The following NCKAP5L variants were observed in gnomAD, a reference collection of about 807,000 sequenced individuals.
NCKAP5L encodes nck-associated protein 5-like.
Under a neutral mutation model 103.2 loss-of-function variants are expected in NCKAP5L, and 54 were observed. The observed-to-expected ratio is 0.52, with a 90% CI of 0.42 to 0.66. The LOEUF is 0.66. Ranked by LOEUF, NCKAP5L falls within the 30% of genes least tolerant of loss-of-function variation. The probability of loss-of-function intolerance (pLI) is 0.00; values close to 1 mark genes in which losing one functional copy is unlikely to be tolerated. For missense variants in NCKAP5L, 1,733 were observed against 1,750.6 expected (o/e 0.99, Z 0.18); for synonymous variants, 762 against 748.6 (o/e 1.02, Z -0.29).
intron 5 of NCKAP5L, 51 bp downstream of exon 5, chr12:49,802,907 G>A (rs1443709991): frequency 6.4e-7 from 1 of 1,573,144 alleles, no homozygotes. Context: ...TCCAGGAAGG[G>A]TCTCATCTGC....
chr12:49,821,043 G>A (rs1203896559), intron 1 of NCKAP5L, among the ~76,000 whole-genome samples: 1 of 152,210 alleles, frequency 6.6e-6, no homozygotes, highest in Non-Finnish European at 1.5e-5. Flanking sequence ...CTTGTGCGGG[G>A]TAAGGGTGGG....
intron 8 of NCKAP5L, among the ~76,000 whole-genome samples, chr12:49,794,219 A>G (rs552438384): frequency 4.6e-5 from 7 of 152,272 alleles, no homozygotes; most frequent in South Asian, 4.1e-4. Flanking sequence ...CATGAACGAC[A>G]CACTCCACCT....
chr12:49,809,848 G>T (rs536539502), intron 1 of NCKAP5L, among the ~76,000 whole-genome samples: 16 of 152,248 alleles, frequency 1.1e-4, no homozygotes, highest in Admixed American at 2.0e-4. Flanking sequence ...GGGTAAGAGG[G>T]CAGACAAGAA....
In NCKAP5L at chr12:49,793,869, C is replaced by A; in HGVS notation, c.3123G>T (p.Lys1041Asn). ...ACTCAGGCTTGGGCTCCCGCCAGCT[C>A]TTGGATGGCAGCTCCTTGCCATCCA... Reference protein sequence around the residue: ...NRVDGKELPSKSWREPKPEYG... With the variant: ...NRVDGKELPSNSWREPKPEYG... Residue 1041 changes from lysine (K) to asparagine (N), a missense_variant, in exon 9 of 13, where the codon AAG becomes AAT. Physicochemically the swap from Lys to Asn is moderately conservative, Grantham distance 94. Transcript: ENST00000335999. 6.4e-7 allele frequency: 1 copy of A among 1,566,244 alleles called. No homozygotes were observed. The highest frequency in any genetic ancestry group is 1.9e-5 in the Admixed American group (1 of 52,210).
chr12:49,801,725 A>G (rs1054416165), intron 6 of NCKAP5L, 123 bp downstream of exon 6: 2 of 1,232,272 alleles, frequency 1.6e-6, no homozygotes, highest in African/African-American at 3.0e-5. Context: ...ATACCCCCAG[A>G]ATGGAAGGTG....
Position 49,795,424 on chromosome 12 carries a change from G to A in NCKAP5L, c.2436C>T (p.His812=). ...TGGAAGGGAGCTTGGTGGGGCTGCT[G>A]TGAGGGCTCTTATTGGGCTTGCCCA... ...PSLGKPNKSP[H]SSPTKLPSKS... The change falls in exon 8 of 13, where the codon CAC becomes CAT. Residue 812 remains histidine, a synonymous_variant. Coordinates refer to ENST00000335999, the MANE Select transcript of NCKAP5L (RefSeq NM_001037806.4). 1 of 1,585,358 alleles carries A rather than the reference G, an allele frequency of 6.3e-7. No individual in the cohort carries two copies. Among genetic ancestry groups the A allele is most frequent in the Non-Finnish European group, 8.6e-7 (1 of 1,168,790 alleles).
rs1297514893 is a variant in NCKAP5L, at chr12:49,804,015, C to G, written c.30G>C (p.Gly10=). MSEAMDQPA[G]GPGNPRPGEG... is the part of the protein sequence containing the mutation. ...CTCCTGGCCTTGGGTTTCCAGGACC[C>G]CCAGCTGGCTGGTCCATGGCCTCTG... Residue 10 remains glycine (G), a synonymous_variant, in exon 3 of 13, where the codon GGG becomes GGC. Transcript: ENST00000335999. The G allele has an allele frequency of 6.2e-7, 1 of 1,612,006 alleles. No individual in the cohort carries two copies. The highest frequency in any genetic ancestry group is 1.1e-5 in the South Asian group (1 of 91,076).
chr12:49,806,230 A>G (rs937032959), intron 1 of NCKAP5L, among the ~76,000 whole-genome samples, 189 bp from the exon 2 acceptor site: 5 of 152,228 alleles, frequency 3.3e-5, no homozygotes, highest in Admixed American at 3.3e-4. Context: ...TTAAGCAGAG[A>G]CCTGAATGAA....
rs1260439633 is a variant in NCKAP5L at position 49,795,124 on chromosome 12, G to T, written c.2736C>A (p.Arg912=). ...ACCAGCTGGCGATGCTGCTGGTGTT[G>T]CGGTGCTTGACCTCGGCGCCAGGGG... ...ERAPGAEVKH[R]NTSSIASWFG... Residue 912 remains arginine (R), a synonymous_variant, in exon 8 of 13, where the codon CGC becomes CGA. Transcript: ENST00000335999. 1 of 1,613,028 alleles carries T rather than the reference G, an allele frequency of 6.2e-7. No individual in the cohort carries two copies. Among genetic ancestry groups the T allele is most frequent in the Non-Finnish European group, 8.5e-7 (1 of 1,179,700 alleles).
intron 1 of NCKAP5L, among the ~76,000 whole-genome samples, chr12:49,812,927 C>T (rs2137028837): frequency 6.6e-6 from 1 of 152,328 alleles, no homozygotes; most frequent in African/African-American, 2.4e-5. Context: ...AAAACCTAAA[C>T]ACTTCCTCTG....
chr12:49,828,056 C>T (rs1268780795), intron 1 of NCKAP5L, among the ~76,000 whole-genome samples: 1 of 85,130 alleles, frequency 1.2e-5, no homozygotes, highest in Non-Finnish European at 2.3e-5. Flanking sequence ...TCCGGGGCCA[C>T]GGAGTGTGCG....
intron 1 of NCKAP5L, among the ~76,000 whole-genome samples, chr12:49,822,635 C>T (rs183277210): frequency 2.0e-5 from 3 of 151,430 alleles, no homozygotes; most frequent in Admixed American, 6.6e-5. Flanking sequence ...CAACCTCTGC[C>T]TCCTGGGTTC....
chr12:49,799,434 C>T (rs968289317), intron 6 of NCKAP5L, among the ~76,000 whole-genome samples: 15 of 151,790 alleles, frequency 9.9e-5, no homozygotes, highest in Non-Finnish European at 1.3e-4. Flanking sequence ...CTCAGCCTCC[C>T]GAGTAGCTAG....
chr12:49,793,313 G>T, intron 10 of NCKAP5L, 39 bp downstream of exon 10: 1 of 1,569,818 alleles, frequency 6.4e-7, no homozygotes. Context: ...GGGTAGGGGG[G>T]TGGGGGCAGG....
chr12:49,802,860 T>C (rs2137012634), intron 5 of NCKAP5L, 98 bp downstream of exon 5: 1 of 1,391,698 alleles, frequency 7.2e-7, no homozygotes, highest in South Asian at 1.3e-5. Flanking sequence ...GGGGAATCAC[T>C]GGAGGGCAAC....
At position 49,795,899 on chromosome 12, in the gene NCKAP5L, C is replaced by A; in HGVS notation, c.1961G>T (p.Gly654Val). 1 of 1,537,388 alleles carries A rather than the reference C, an allele frequency of 6.5e-7. No individual in the cohort carries two copies. Among genetic ancestry groups the A allele is most frequent in the South Asian group, 1.3e-5 (1 of 78,216 alleles). ...KPSQGSGRRP[G>V]DPGSTPLRDR... ...CCGCAGAGGTGTGCTGCCAGGATCC[C>A]CAGGTCGCCGTCCTGACCCCTGGCT... Residue 654 changes from glycine (G) to valine (V), a missense_variant, in exon 8 of 13, where the codon GGG becomes GTG. Coordinates refer to ENST00000335999, the MANE Select transcript of NCKAP5L (RefSeq NM_001037806.4).
At chr12:49,821,420 T>C (rs1364363458) in intron 1 of NCKAP5L, among the ~76,000 whole-genome samples, 2 of 152,024 alleles carry the variant, frequency 1.3e-5, no homozygotes, top group African/African-American at 4.8e-5. Context: ...TTGGACACAA[T>C]AAAACTCAAG....
In NCKAP5L at chr12:49,827,011, TA is replaced by T. The variant is rs1354515893; in HGVS notation, c.-99+1310del. Among the ~76,000 whole-genome samples the T allele has an allele frequency of 2.0e-5, 3 of 152,182 alleles. No individual in the cohort carries two copies. The East Asian group carries it at 5.8e-4, about 29-fold the overall frequency. ...GGTTTCTTTGGGATAGGAAACCCAC[TA>T]ATCCCAGGTTGTTTTTAGGAAGATG... On this transcript the variant is annotated intron_variant, in intron 1 of 12. Transcript: ENST00000335999.
intron 1 of NCKAP5L, among the ~76,000 whole-genome samples, chr12:49,812,827 T>C (rs1373693618): frequency 1.3e-5 from 2 of 152,206 alleles, no homozygotes; most frequent in African/African-American, 4.8e-5. Context: ...TCCCTTGGCA[T>C]CCCCAGGGGA....
Sources: allele counts gnomAD v4.1 joint callset (sites outside exome capture counted in the v4.1 genomes callset), GRCh38; gene constraint gnomAD v4.1.1; transcripts MANE v1.5; gene names NCBI Gene and HGNC (gene_info 2026-07-23, HGNC 2026-07-21).